The following PTPN14 variants were observed in gnomAD, a reference collection of about 807,000 sequenced individuals.
The protein encoded by PTPN14 is protein tyrosine phosphatase non-receptor type 14.
PTPN14 carries 53 observed loss-of-function variants against 126.8 expected under a neutral mutation model. That is an observed-to-expected ratio of 0.42 (90% CI 0.34 to 0.53). The LOEUF (loss-of-function observed/expected upper bound fraction) is 0.53, where lower values mean the gene tolerates loss of function less well. Among genes scored for constraint, PTPN14 ranks in the 20% least tolerant of loss-of-function variants. The pLI, the probability that PTPN14 is intolerant of heterozygous loss-of-function variation, is 0.08. For synonymous variants in PTPN14, 630 were observed against 599.3 expected (o/e 1.05, Z -0.75); for missense variants, 1,257 against 1,552.9 (o/e 0.81, Z 3.20).
At chr1:214,387,027 G>T in intron 11 of PTPN14, 105 bp from the exon 12 acceptor site, 1 of 981,662 alleles carries the variant, frequency 1.0e-6, no homozygotes, top group Non-Finnish European at 1.6e-6. Context: ...TGTAAGGGAG[G>T]CTCGTGGCAG....
At chr1:214,519,430 G>A (rs937023567) in intron 1 of PTPN14, among the ~76,000 whole-genome samples, 16 of 151,964 alleles carry the variant, frequency 1.1e-4, no homozygotes, top group African/African-American at 3.6e-4. Context: ...CAGAGTTACT[G>A]CCCCAAACTT....
intron 1 of PTPN14, among the ~76,000 whole-genome samples, chr1:214,494,072 CTCT>C (rs1661306857): frequency 6.6e-6 from 1 of 152,000 alleles, no homozygotes; most frequent in Non-Finnish European, 1.5e-5. Flanking sequence ...CTCTTTCTTT[CTCT>C]TTTTTTTTCT....
chr1:214,455,960 G>A (rs1660372154), intron 2 of PTPN14, among the ~76,000 whole-genome samples: 1 of 152,128 alleles, frequency 6.6e-6, no homozygotes, highest in Non-Finnish European at 1.5e-5. Flanking sequence ...AACTAAAACT[G>A]CTCTAAAGAA....
At chr1:214,400,066 T>C (rs1658980488) in intron 7 of PTPN14, among the ~76,000 whole-genome samples, 1 of 152,014 alleles carries the variant, frequency 6.6e-6, no homozygotes, top group South Asian at 2.1e-4. Flanking sequence ...TCTTGAAAAT[T>C]TTTGAGGAAC....
At chr1:214,450,970 T>C (rs1281146987) in intron 3 of PTPN14, among the ~76,000 whole-genome samples, 4 of 152,320 alleles carry the variant, frequency 2.6e-5, no homozygotes, top group Non-Finnish European at 4.4e-5. Flanking sequence ...GATGGCTTCT[T>C]GTCTCCTCTT....
rs1272127682 is a variant in PTPN14 at position 214,464,909 on chromosome 1, C to T, written c.-106G>A. ...AATTACACTATCACCTGTGCTCCTC[C>T]AGGCAGGGAAAAGGGTGTCCATGCC... On this transcript the variant is annotated 5_prime_UTR_variant, in exon 2 of 19. The change creates a premature stop within an existing upstream ORF in the 5' untranslated region. Coordinates refer to ENST00000366956, the MANE Select transcript of PTPN14 (RefSeq NM_005401.5). 1 of 1,417,444 alleles carries T rather than the reference C, an allele frequency of 7.1e-7. No homozygotes were observed. The highest frequency in any genetic ancestry group is 1.4e-5 in the African/African-American group (1 of 70,760). The allele number at this position is 1,417,444 out of a possible 1,614,324, so 87.8% of individuals were successfully genotyped here. A position where few individuals can be genotyped will look rare whatever the true frequency, so the allele number is the denominator to read the frequency against.
At chr1:214,431,243 T>C (rs922898006) in intron 3 of PTPN14, among the ~76,000 whole-genome samples, 1 of 152,212 alleles carries the variant, frequency 6.6e-6, no homozygotes, top group Non-Finnish European at 1.5e-5. Context: ...TTATGTATTT[T>C]TGACAAAGGA....
At chr1:214,408,491 C>T (rs1453688973) in intron 5 of PTPN14, among the ~76,000 whole-genome samples, 2 of 152,198 alleles carry the variant, frequency 1.3e-5, no homozygotes, top group Non-Finnish European at 2.9e-5. Context: ...TTTACTTCAA[C>T]CCAGGAATGG....
At chr1:214,426,054 AAAAAG>A (rs1659656920) in intron 3 of PTPN14, among the ~76,000 whole-genome samples, 1 of 150,248 alleles carries the variant, frequency 6.7e-6, no homozygotes, top group African/African-American at 2.5e-5. Context: ...AAAAAAAAAA[AAAAAG>A]GAAGGAAGAA....
intron 1 of PTPN14, among the ~76,000 whole-genome samples, chr1:214,513,639 T>C (rs1487116668): frequency 3.3e-5 from 5 of 152,182 alleles, no homozygotes; most frequent in Non-Finnish European, 7.3e-5. Context: ...ATTTTTAACC[T>C]GCATTCCATC....
At chr1:214,395,175 T>C (rs953553846) in intron 8 of PTPN14, among the ~76,000 whole-genome samples, 189 bp from the exon 9 acceptor site, 1 of 152,262 alleles carries the variant, frequency 6.6e-6, no homozygotes, top group African/African-American at 2.4e-5. Flanking sequence ...CTAAAAATTC[T>C]ACATAAAATA....
chr1:214,368,185 A>G (rs1160770528), intron 17 of PTPN14, among the ~76,000 whole-genome samples: 1 of 64,138 alleles, frequency 1.6e-5, no homozygotes, highest in Non-Finnish European at 3.2e-5. Flanking sequence ...AATTTTTTTA[A>G]TGTTATTCGT....
chr1:214,550,460 G>A (rs1479316330), intron 1 of PTPN14, among the ~76,000 whole-genome samples: 1 of 152,128 alleles, frequency 6.6e-6, no homozygotes, highest in East Asian at 1.9e-4. Context: ...TAGGGGCAGC[G>A]TTACCTCACT....
intron 1 of PTPN14, among the ~76,000 whole-genome samples, chr1:214,525,400 C>T (rs1274330413): frequency 2.6e-5 from 4 of 152,150 alleles, no homozygotes; most frequent in South Asian, 2.1e-4. Flanking sequence ...ATACTGCATA[C>T]GTTATAGTCC....
intron 1 of PTPN14, among the ~76,000 whole-genome samples, chr1:214,498,782 C>T (rs1051586580): frequency 3.9e-5 from 6 of 151,966 alleles, no homozygotes; most frequent in African/African-American, 1.5e-4. Context: ...TATGCCCATA[C>T]CCTTTAAAAT....
At chr1:214,496,196 T>C (rs1182210090) in intron 1 of PTPN14, among the ~76,000 whole-genome samples, 2 of 152,208 alleles carry the variant, frequency 1.3e-5, no homozygotes, top group Non-Finnish European at 2.9e-5. Flanking sequence ...GCAGTATTTA[T>C]TGCTTCTGCA....
rs199725335 is a variant in PTPN14, at chr1:214,388,495, C to CT, written c.988-1574dup. On this transcript the variant is annotated intron_variant, in intron 11 of 18. Transcript: ENST00000366956. ...AATCTCGGCTCACTGCAACCTCCGC[C>CT]TCCCGGGTTCAAGAGATTCTCATGC... Among the ~76,000 whole-genome samples, 1,186 of 152,202 alleles carry CT rather than the reference C, an allele frequency of 7.8e-3. 14 individuals carry two copies. The highest frequency in any genetic ancestry group is 0.026 in the African/African-American group (1,075 of 41,524).
rs1213792684 is a variant in PTPN14 at position 214,482,845 on chromosome 1, T to C, written c.-154-17888A>G. The stretch of plus-strand genomic sequence containing the variant: ...GACAGGTTTGGCACTTTTATACTGA[T>C]GTCACCAATGTTAATATTTCTTGGG... On this transcript the variant is annotated intron_variant, in intron 1 of 18. Coordinates refer to ENST00000366956, the MANE Select transcript of PTPN14 (RefSeq NM_005401.5). The C allele has an allele frequency of 2.5e-6, 4 of 1,604,910 alleles. No homozygotes were observed. In the Admixed American group the frequency reaches 5.0e-5, roughly 20 times the overall value.
chr1:214,466,107 C>T (rs1233754098), intron 1 of PTPN14, among the ~76,000 whole-genome samples: 1 of 151,288 alleles, frequency 6.6e-6, no homozygotes, highest in South Asian at 2.1e-4. Flanking sequence ...CAGGCACCCG[C>T]CACCACACCT....
Sources: gnomAD v4.1 joint callset for allele counts (sites outside exome capture counted in the v4.1 genomes callset) on GRCh38, gnomAD v4.1.1 for gene constraint, MANE v1.5 for transcripts, NCBI Gene and HGNC (gene_info 2026-07-23, HGNC 2026-07-21) for gene names.